Variants in ECE2 observed in about 807,000 individuals in gnomAD.
ECE2 encodes the protein endothelin-converting enzyme 2.
In ECE2, 81 loss-of-function variants were observed where a neutral mutation model predicts 100.6. The observed-to-expected ratio is 0.81, with a 90% CI of 0.67 to 0.97. ECE2 has a LOEUF of 0.97. Among genes scored for constraint, ECE2 ranks in the 50% least tolerant of loss-of-function variants. The probability of loss-of-function intolerance (pLI) is 0.00; values close to 1 mark genes in which losing one functional copy is unlikely to be tolerated. For synonymous variants in ECE2, 391 were observed against 391.5 expected (o/e 1.00, Z 0.02); for missense variants, 911 against 988.1 (o/e 0.92, Z 1.05).
At chr3:184,278,381 G>T in intron 6 of ECE2, 68 bp downstream of exon 6, 1 of 1,592,372 alleles carries the variant, frequency 6.3e-7, no homozygotes, top group Non-Finnish European at 8.6e-7. Context: ...TCCCTCTCCT[G>T]TGACAGGCAG....
rs776231899 is a variant in ECE2, at chr3:184,290,560, G to C, written c.1659G>C (p.Trp553Cys). 2.5e-6 allele frequency: 4 copies of C among 1,614,004 alleles called. No individual in the cohort carries two copies. The South Asian group carries it at 4.4e-5, about 18-fold the overall frequency. ...QLRKPPSRDQWSMTPQTVNAY... is the reference protein window; with the variant it reads ...QLRKPPSRDQCSMTPQTVNAY... Reference sequence around the variant, plus strand: ...CCCCTCACTCTTCCTCCGCCAGGTGGAGCATGACCCCCCAGACAGTGAATG... The same window carrying C: ...CCCCTCACTCTTCCTCCGCCAGGTGCAGCATGACCCCCCAGACAGTGAATG... The change falls in exon 15 of 19, where the codon TGG (tryptophan) becomes TGC (cysteine). Residue 553 changes from tryptophan (W) to cysteine (C), a missense_variant. Trp to Cys is a radical substitution (Grantham distance 215). Coordinates refer to ENST00000404464, the MANE Select transcript of ECE2 (RefSeq NM_001100121.2).
chr3:184,278,203 G>C lies in ECE2; in HGVS notation c.640G>C (p.Asp214His). Residue 214 changes from aspartate (D) to histidine (H), a missense_variant, in exon 6 of 19, where the codon GAC (aspartate) becomes CAC (histidine). Physicochemically the swap from Asp to His is moderately conservative, Grantham distance 81. Transcript: ENST00000404464. ...GAACATTACGGGGCCCTGGGACCAG[G>C]ACAACTTTATGGAGGTGTTGAAGGC... ...GWNITGPWDQDNFMEVLKAVA... is the reference protein window; with the variant it reads ...GWNITGPWDQHNFMEVLKAVA... 1 of 1,614,160 alleles carries C rather than the reference G, an allele frequency of 6.2e-7. No individual in the cohort carries two copies. The highest frequency in any genetic ancestry group is 8.5e-7 in the Non-Finnish European group (1 of 1,180,020).
At chr3:184,281,073 T>A (rs187021284) in intron 7 of ECE2, among the ~76,000 whole-genome samples, 120 of 151,624 alleles carry the variant, frequency 7.9e-4, no homozygotes, top group African/African-American at 2.7e-3. Context: ...CAGAAGGAGA[T>A]CCTTGTATTT....
chr3:184,276,314 G>A, intron 1 of ECE2, 122 bp downstream of exon 1: 1 of 1,382,024 alleles, frequency 7.2e-7, no homozygotes. Flanking sequence ...CCCGGGCCTG[G>A]TGGAGGGGTG....
Position 184,276,866 on chromosome 3 carries a change from ACTCTCTGT to A in ECE2, c.127-24_127-17del, listed in dbSNP as rs1720576677. On this transcript the variant is annotated intron_variant, in intron 2 of 18. Coordinates refer to ENST00000404464, the MANE Select transcript of ECE2 (RefSeq NM_001100121.2). ...TGGATCCCTGCCCTGCATCTCAGTC[ACTCTCTGT>A]CCCCCTGTGTTCCCCAGGTGGGATT... The A allele has an allele frequency of 6.2e-7, 1 of 1,611,104 alleles. No individual in the cohort carries two copies. The highest frequency in any genetic ancestry group is 1.3e-5 in the African/African-American group (1 of 74,746).
At chr3:184,276,602 C>A in intron 2 of ECE2, 35 bp downstream of exon 2, 1 of 1,595,318 alleles carries the variant, frequency 6.3e-7, no homozygotes, top group Non-Finnish European at 8.5e-7. Flanking sequence ...TCACCAGGCC[C>A]CAGCCCTGGC....
chr3:184,287,916 A>C lies in ECE2; in HGVS notation c.1343A>C (p.Lys448Thr), dbSNP rs1319996688. 1 of 1,614,092 alleles carries C rather than the reference A, an allele frequency of 6.2e-7. No individual in the cohort carries two copies. The highest frequency in any genetic ancestry group is 8.5e-7 in the Non-Finnish European group (1 of 1,180,032). Residue 448 changes from lysine to threonine, a missense_variant, in exon 11 of 19, where the codon AAG (lysine) becomes ACG (threonine). Coordinates refer to ENST00000404464, the MANE Select transcript of ECE2 (RefSeq NM_001100121.2). ...TTTGCTTTGGGGTCCCTCTTCGTGA[A>C]GGCCACGTTTGACCGGCAAAGCAAA... ...LGFALGSLFV[K>T]ATFDRQSKEI...
chr3:184,291,697 C>T lies in ECE2; in HGVS notation c.2121+258C>T, dbSNP rs1372081142. On this transcript the variant is annotated intron_variant, in intron 18 of 18. Transcript: ENST00000404464. The surrounding 1 kb of genome is among the most constrained non-coding windows in gnomAD (Gnocchi z 4.1). Reference sequence around the variant, plus strand: ...TCAAAGGGCAAGGTTGTCGTGCTTGCGGGGCACAGGGTGGCGAAGGGGGCA... The same window carrying T: ...TCAAAGGGCAAGGTTGTCGTGCTTGTGGGGCACAGGGTGGCGAAGGGGGCA... 9.8e-6 allele frequency: 2 copies of T among 203,762 alleles called. No homozygotes were observed. The highest frequency in any genetic ancestry group is 8.5e-5 in the South Asian group (1 of 11,718). The allele number at this position is 203,762 out of a possible 1,614,324, so 12.6% of individuals were successfully genotyped here.
At position 184,276,145 on chromosome 3, in the gene ECE2, G is replaced by T. The variant is rs571578735; in HGVS notation, c.-9G>T. On this transcript the variant is annotated 5_prime_UTR_variant, in exon 1 of 19. Transcript: ENST00000404464. ...GGAGCCCTGAATCACCGCCTGGCCCGACTCCACCATGAACGTCGCGCTGCA... is the reference window on the plus strand; with the variant it reads ...GGAGCCCTGAATCACCGCCTGGCCCTACTCCACCATGAACGTCGCGCTGCA... 1.7e-4 allele frequency: 244 copies of T among 1,397,968 alleles called. No homozygotes were observed. The African/African-American group carries it at 3.4e-3, about 20-fold the overall frequency. 86.6% of individuals were successfully genotyped at this position (1,397,968 alleles called of 1,614,324 possible).
At chr3:184,283,087 G>A (rs559848839) in intron 7 of ECE2, among the ~76,000 whole-genome samples, 33 of 152,258 alleles carry the variant, frequency 2.2e-4, no homozygotes, top group African/African-American at 7.9e-4. Flanking sequence ...CAGGGATCTA[G>A]GAAATGAGAA....
chr3:184,291,194 C>T lies in ECE2; in HGVS notation c.1989C>T (p.Asn663=), dbSNP rs1721297737. Residue 663 remains asparagine, a synonymous_variant, in exon 17 of 19, where the codon AAC becomes AAT. Coordinates refer to ENST00000404464, the MANE Select transcript of ECE2 (RefSeq NM_001100121.2). This position sits in a 1 kb window ranked among gnomAD's most constrained non-coding sequence, Gnocchi z 4.1. ...ACGGCCGCCAGACGCTGGGGGAGAA[C>T]ATTGCTGACAACGGGGGGCTGAAGG... ...RLNGRQTLGE[N]IADNGGLKAA... 2.5e-6 allele frequency: 4 copies of T among 1,613,416 alleles called. No individual in the cohort carries two copies. The highest frequency in any genetic ancestry group is 3.4e-6 in the Non-Finnish European group (4 of 1,179,772).
At chr3:184,290,227 CTCTT>C in intron 13 of ECE2, 24 bp from the exon 14 acceptor site, 1 of 1,580,082 alleles carries the variant, frequency 6.3e-7, no homozygotes, top group Non-Finnish European at 8.7e-7. Context: ...TTCTCTTGCT[CTCTT>C]TCTACTTCCC....
At chr3:184,277,157 C>T in intron 3 of ECE2, 94 bp from the exon 4 acceptor site, 5 of 1,600,984 alleles carry the variant, frequency 3.1e-6, no homozygotes, top group Non-Finnish European at 4.3e-6. Context: ...TTTCTCTTCC[C>T]AACCTTCCTG....
chr3:184,279,952 C>A (rs1035069229), intron 7 of ECE2, among the ~76,000 whole-genome samples: 1 of 149,740 alleles, frequency 6.7e-6, no homozygotes, highest in African/African-American at 2.5e-5. Context: ...AGAGCATCTG[C>A]GGTACTCCGT....
In ECE2 at chr3:184,278,251, AC is replaced by A; in HGVS notation, c.692del (p.Pro231HisfsTer35). The A allele has an allele frequency of 6.2e-7, 1 of 1,614,158 alleles. No homozygotes were observed. Among genetic ancestry groups the A allele is most frequent in the Middle Eastern group, 1.6e-4 (1 of 6,062 alleles). ...LKAVAGTYRA[T>X]PFFTVYISAD... ...GGCAGTAGCAGGGACCTACAGGGCC[AC>A]CCCATTCTTCACCGTCTACATCAGT... On this transcript the variant is annotated frameshift_variant, in exon 6 of 19. Transcript: ENST00000404464. LOFTEE classifies it high-confidence loss of function.
chr3:184,286,584 C>T (rs575181566), intron 10 of ECE2, among the ~76,000 whole-genome samples: 2 of 151,936 alleles, frequency 1.3e-5, no homozygotes, highest in African/African-American at 4.8e-5. Context: ...AGGTGGATCA[C>T]CTGAGGTCAG....
Position 184,285,256 on chromosome 3 carries a change from C to T in ECE2, c.1148+151C>T, listed in dbSNP as rs546577937. ...AGAATGTCTATGGGCTTTTCCTCTG[C>T]GCTAGGGTTGCAGGGTGCTCCCTGT... On this transcript the variant is annotated intron_variant, in intron 9 of 18. Transcript: ENST00000404464. 34 of 1,221,112 alleles carry T rather than the reference C, an allele frequency of 2.8e-5. No homozygotes were observed. The East Asian group carries it at 3.6e-4, about 13-fold the overall frequency. 75.6% of individuals were successfully genotyped at this position (1,221,112 alleles called of 1,614,324 possible). A position where few individuals can be genotyped will look rare whatever the true frequency, so the allele number is the denominator to read the frequency against.
Position 184,289,500 on chromosome 3 carries a change from A to T in ECE2, c.1438A>T (p.Met480Leu). 6.2e-7 allele frequency: 1 copy of T among 1,612,648 alleles called. No homozygotes were observed. Among genetic ancestry groups the T allele is most frequent in the Non-Finnish European group, 8.5e-7 (1 of 1,179,430 alleles). The change falls in exon 12 of 19, where the codon ATG (methionine) becomes TTG (leucine). Residue 480 changes from methionine (M) to leucine (L), a missense_variant. Transcript: ENST00000404464. The surrounding 1 kb of genome is among the most constrained non-coding windows in gnomAD (Gnocchi z 4.1). ...GGAGGCCCTGGGACAGCTGGTTTGGATGGATGAGAAGACCCGCCAGGCAGC... is the reference window on the plus strand; with the variant it reads ...GGAGGCCCTGGGACAGCTGGTTTGGTTGGATGAGAAGACCCGCCAGGCAGC... ...FEEALGQLVW[M>L]DEKTRQAAKE...
In ECE2 at chr3:184,276,640, G is replaced by A. The variant is rs376181868; in HGVS notation, c.126+73G>A. ...GACGCCTGGCACACCCAGGAGCTCT[G>A]GGCTGTTCTGGAGGGTCACCTGCCC... On this transcript the variant is annotated intron_variant, in intron 2 of 18. Coordinates refer to ENST00000404464, the MANE Select transcript of ECE2 (RefSeq NM_001100121.2). The A allele has an allele frequency of 7.0e-6, 11 of 1,579,724 alleles. No individual in the cohort carries two copies. In the South Asian group the frequency reaches 1.3e-4, roughly 18 times the overall value.
Sources: allele counts gnomAD v4.1 joint callset (sites outside exome capture counted in the v4.1 genomes callset), GRCh38; gene constraint gnomAD v4.1.1; non-coding constraint Gnocchi (gnomAD v3.1); transcripts MANE v1.5; gene names NCBI Gene and HGNC (gene_info 2026-07-23, HGNC 2026-07-21).